TECTA: variants seen among roughly 807,000 people sequenced by gnomAD.
The protein encoded by TECTA is tectorin alpha, also known as alpha-tectorin.
TECTA carries 128 observed loss-of-function variants against 216.8 expected under a neutral mutation model. That is an observed-to-expected ratio of 0.59 (90% CI 0.51 to 0.68). The LOEUF is 0.68. Among genes scored for constraint, TECTA ranks in the 30% least tolerant of loss-of-function variants. The probability of loss-of-function intolerance (pLI) is 0.00; values close to 1 mark genes in which losing one functional copy is unlikely to be tolerated. For synonymous variants in TECTA, 1,089 were observed against 1,117.1 expected, an observed-to-expected ratio of 0.97 and a Z score of 0.50; for missense variants, 2,551 against 2,786.2, an observed-to-expected ratio of 0.92 and a Z score of 1.90.
chr11:121,135,588 C>T (rs1451892002), intron 10 of TECTA, among the ~76,000 whole-genome samples: 1 of 152,154 alleles, frequency 6.6e-6, no homozygotes, highest in East Asian at 1.9e-4. Context: ...AGTCCTTTAG[C>T]GCAGAGGAAA....
chr11:121,103,978 TC>T (rs1322562327), intron 2 of TECTA, among the ~76,000 whole-genome samples: 1 of 152,150 alleles, frequency 6.6e-6, no homozygotes, highest in African/African-American at 2.4e-5. Context: ...TTAGGGTCAT[TC>T]TCCCTGGCCA....
Position 121,113,413 on chromosome 11 carries a change from T to C in TECTA, c.625-140T>C. 1 of 1,432,434 alleles carries C rather than the reference T, an allele frequency of 7.0e-7. No individual in the cohort carries two copies. The highest frequency in any genetic ancestry group is 9.8e-7 in the Non-Finnish European group (1 of 1,024,214). The allele number at this position is 1,432,434 out of a possible 1,614,324, so 88.7% of individuals were successfully genotyped here. ...ATGAACTAGGCAGTCCTTTCTCACCTAGAATGCTGGCCCCAGTGACTCCAG... is the reference window on the plus strand; with the variant it reads ...ATGAACTAGGCAGTCCTTTCTCACCCAGAATGCTGGCCCCAGTGACTCCAG... On this transcript the variant is annotated intron_variant, in intron 5 of 23. Coordinates refer to ENST00000392793, the MANE Select transcript of TECTA (RefSeq NM_005422.4). This position sits in a 1 kb window ranked among gnomAD's most constrained non-coding sequence, Gnocchi z 4.2.
chr11:121,161,522 C>T (rs1377684958), intron 15 of TECTA, among the ~76,000 whole-genome samples: 6 of 132,772 alleles, frequency 4.5e-5, no homozygotes, highest in Non-Finnish European at 8.1e-5. Flanking sequence ...GGCCTGCCTC[C>T]CTCCCTCCTT....
chr11:121,107,590 T>C (rs1591435423), intron 3 of TECTA, among the ~76,000 whole-genome samples: 1 of 152,200 alleles, frequency 6.6e-6, no homozygotes, highest in Non-Finnish European at 1.5e-5. Flanking sequence ...TTGGAATGTA[T>C]AGGAAAATTA....
chr11:121,147,528 A>G (rs7105356), intron 12 of TECTA, among the ~76,000 whole-genome samples: 41,539 of 151,922 alleles, frequency 0.27, 7,208 homozygotes, highest in African/African-American at 0.49. Flanking sequence ...ACCGGCCTCT[A>G]ATGACTTCAA....
At chr11:121,186,386 C>G (rs1238138446) in intron 20 of TECTA, among the ~76,000 whole-genome samples, 2 of 152,212 alleles carry the variant, frequency 1.3e-5, no homozygotes, top group Non-Finnish European at 2.9e-5. Flanking sequence ...ATAGAAGATT[C>G]TAGTGCTTGG....
At chr11:121,185,279 A>C (rs1472596408) in intron 20 of TECTA, among the ~76,000 whole-genome samples, 1 of 152,200 alleles carries the variant, frequency 6.6e-6, no homozygotes, top group Non-Finnish European at 1.5e-5. Context: ...CCAGATGTTC[A>C]ATGCTTAATG....
At chr11:121,137,212 G>A (rs190054025) in intron 10 of TECTA, among the ~76,000 whole-genome samples, 150 of 151,608 alleles carry the variant, frequency 9.9e-4, no homozygotes, top group African/African-American at 3.0e-3. Context: ...ACACGCACTC[G>A]CACACATGCA....
intron 20 of TECTA, among the ~76,000 whole-genome samples, chr11:121,172,881 C>G (rs1947126525): frequency 1.3e-5 from 2 of 150,764 alleles, no homozygotes; most frequent in African/African-American, 4.9e-5. Flanking sequence ...GATTGCCATT[C>G]TAACTGGTGT....
chr11:121,160,040 T>C (rs1946981951), intron 14 of TECTA, 95 bp from the exon 15 acceptor site: 4 of 1,471,662 alleles, frequency 2.7e-6, no homozygotes, highest in Non-Finnish European at 2.8e-6. Flanking sequence ...TCACAGGGCC[T>C]GCGACACCCA....
chr11:121,125,509 G>A lies in TECTA; in HGVS notation c.1411G>A (p.Asp471Asn). Residue 471 changes from aspartate (D) to asparagine (N), a missense_variant, in exon 8 of 24, where the codon GAC (aspartate) becomes AAC (asparagine). By Grantham distance (23) the Asp-to-Asn change is conservative. Coordinates refer to ENST00000392793, the MANE Select transcript of TECTA (RefSeq NM_005422.4). The part of the protein sequence containing the change: ...CGNYNKNPLD[D>N]FLRPDGRPAM... Reference sequence around the variant, plus strand: ...AAACTATAATAAAAACCCACTGGATGACTTCCTCCGCCCGGATGGCAGGCC... The same window carrying A: ...AAACTATAATAAAAACCCACTGGATAACTTCCTCCGCCCGGATGGCAGGCC... 6.2e-7 allele frequency: 1 copy of A among 1,614,192 alleles called. No homozygotes were observed. The highest frequency in any genetic ancestry group is 8.5e-7 in the Non-Finnish European group (1 of 1,180,054).
At chr11:121,131,021 T>C (rs1946669220) in intron 10 of TECTA, among the ~76,000 whole-genome samples, 3 of 152,046 alleles carry the variant, frequency 2.0e-5, no homozygotes, top group South Asian at 4.1e-4. Context: ...GAGACCATCC[T>C]GGCTAACATG....
chr11:121,143,451 T>C (rs780690420), intron 11 of TECTA, among the ~76,000 whole-genome samples: 2 of 152,244 alleles, frequency 1.3e-5, no homozygotes, highest in Non-Finnish European at 1.5e-5. Flanking sequence ...GTGTGGGCAT[T>C]GTCTTCTGCA....
chr11:121,145,853 G>T lies in TECTA; in HGVS notation c.3842G>T (p.Cys1281Phe), dbSNP rs1315696593. 6.2e-7 allele frequency: 1 copy of T among 1,614,264 alleles called. No homozygotes were observed. Residue 1281 changes from cysteine to phenylalanine, a missense_variant, in exon 12 of 24, where the codon TGT becomes TTT. Transcript: ENST00000392793. Reference sequence around the variant, plus strand: ...AGGGACACCTTCTGCCAGGTGGGCTGTGGGGACCGCTGTCCGTCCTGTGCC... The same window carrying T: ...AGGGACACCTTCTGCCAGGTGGGCTTTGGGGACCGCTGTCCGTCCTGTGCC... Reference protein sequence around the residue: ...VKRDTFCQVGCGDRCPSCAKV... With the variant: ...VKRDTFCQVGFGDRCPSCAKV...
chr11:121,184,771 C>A (rs935111542), intron 20 of TECTA, among the ~76,000 whole-genome samples: 1 of 152,106 alleles, frequency 6.6e-6, no homozygotes, highest in Admixed American at 6.6e-5. Context: ...CTGAGGTGTA[C>A]TGTGGAATTT....
intron 8 of TECTA, 35 bp downstream of exon 8, chr11:121,125,907 C>G: frequency 1.3e-6 from 2 of 1,598,074 alleles, no homozygotes; most frequent in South Asian, 1.1e-5. Flanking sequence ...ACAGGTCTCT[C>G]TTGTGCAGGG....
chr11:121,166,724 G>A lies in TECTA; in HGVS notation c.5530G>A (p.Asp1844Asn), dbSNP rs773412809. Residue 1844 changes from aspartate to asparagine, a missense_variant, in exon 18 of 24, where the codon GAT becomes AAT. Transcript: ENST00000392793. ...DRQCTGIEGE[D>N]FISFQINNTK... ...ACAGTGCACCGGCATCGAGGGGGAA[G>A]ATTTTATCTCCTTTCAGATCAACAA... 4 of 1,614,198 alleles carry A rather than the reference G, an allele frequency of 2.5e-6. No individual in the cohort carries two copies. In the Admixed American group the frequency reaches 6.7e-5, roughly 27 times the overall value.
At chr11:121,158,843 G>GT (rs1565533238) in intron 14 of TECTA, among the ~76,000 whole-genome samples, 1 of 152,160 alleles carries the variant, frequency 6.6e-6, no homozygotes, top group Non-Finnish European at 1.5e-5. Flanking sequence ...GTAAATAAAT[G>GT]TAAACCCCCC....
chr11:121,127,491 G>T lies in TECTA; in HGVS notation c.1775-261G>T, dbSNP rs187153625. Among the ~76,000 whole-genome samples the T allele has an allele frequency of 6.6e-6, 1 of 152,190 alleles. No homozygotes were observed. The highest frequency in any genetic ancestry group is 2.4e-5 in the African/African-American group (1 of 41,510). On this transcript the variant is annotated intron_variant, in intron 8 of 23. Coordinates refer to ENST00000392793, the MANE Select transcript of TECTA (RefSeq NM_005422.4). The surrounding 1 kb of genome is among the most constrained non-coding windows in gnomAD (Gnocchi z 5.0). ...ATTGGGTAATCAGTAGTCTAGAAAGGATGGCATCCTGAAAGTTTAATTTTA... is the reference window on the plus strand; with the variant it reads ...ATTGGGTAATCAGTAGTCTAGAAAGTATGGCATCCTGAAAGTTTAATTTTA...
Sources: allele counts gnomAD v4.1 joint callset (sites outside exome capture counted in the v4.1 genomes callset), GRCh38; gene constraint gnomAD v4.1.1; non-coding constraint Gnocchi (gnomAD v3.1); transcripts MANE v1.5; gene names NCBI Gene and HGNC (gene_info 2026-07-23, HGNC 2026-07-21).